Variants in PLXNA4 observed in about 807,000 individuals in gnomAD.
The protein encoded by PLXNA4 is plexin-A4.
Under a neutral mutation model 191.8 loss-of-function variants are expected in PLXNA4, and 44 were observed. The ratio of observed to expected loss-of-function variants is 0.23; its 90% confidence interval spans 0.18 to 0.29. The LOEUF (loss-of-function observed/expected upper bound fraction) is 0.29. Ranked by LOEUF, PLXNA4 falls within the 10% of genes least tolerant of loss-of-function variation. The probability of loss-of-function intolerance (pLI) is 1.00; values close to 1 mark genes in which losing one functional copy is unlikely to be tolerated. For missense variants in PLXNA4, 1,800 were observed against 2,488.8 expected (o/e 0.72, Z 5.89); for synonymous variants, 1,082 against 1,009.5 (o/e 1.07, Z -1.36).
intron 29 of PLXNA4, among the ~76,000 whole-genome samples, chr7:132,143,043 C>A (rs1387826268): frequency 6.6e-6 from 1 of 152,038 alleles, no homozygotes; most frequent in Non-Finnish European, 1.5e-5. Context: ...TTGATTGCAG[C>A]CACTCAGGCT....
intron 2 of PLXNA4, among the ~76,000 whole-genome samples, chr7:132,610,931 C>T (rs1006876413): frequency 1.3e-5 from 2 of 152,156 alleles, no homozygotes; most frequent in South Asian, 2.1e-4. Flanking sequence ...GGAGCAGTTC[C>T]TTGTCTGTCC....
At chr7:132,341,381 A>T (rs1803021379) in intron 3 of PLXNA4, among the ~76,000 whole-genome samples, 1 of 152,222 alleles carries the variant, frequency 6.6e-6, no homozygotes, top group South Asian at 2.1e-4. Flanking sequence ...ATGACAATAC[A>T]TTGATTGTAA....
In PLXNA4 at chr7:132,576,401, C is replaced by A. The variant is rs1205268904; in HGVS notation, c.-87+21G>T. On this transcript the variant is annotated intron_variant, in intron 1 of 31. Coordinates refer to ENST00000321063, the MANE Select transcript of PLXNA4 (RefSeq NM_020911.2). The surrounding 1 kb of genome is among the most constrained non-coding windows in gnomAD (Gnocchi z 5.8). ...CCTCGCCGCCCGCCCGGCCCCACTC[C>A]CCGGCGGGCCGGCTCCTTACCTGGA... 2 of 985,714 alleles carry A rather than the reference C, an allele frequency of 2.0e-6. No homozygotes were observed. The highest frequency in any genetic ancestry group is 3.5e-5 in the African/African-American group (2 of 57,202). The allele number at this position is 985,714 out of a possible 1,614,324, so 61.1% of individuals were successfully genotyped here.
intron 2 of PLXNA4, among the ~76,000 whole-genome samples, chr7:132,641,691 C>T (rs556138974): frequency 3.3e-5 from 5 of 152,086 alleles, no homozygotes; most frequent in African/African-American, 1.2e-4. Flanking sequence ...CCTGCTATTC[C>T]GTTTTCTTTC....
intron 3 of PLXNA4, chr7:132,484,666 C>T (rs1217508444): frequency 2.0e-5 from 26 of 1,309,618 alleles, no homozygotes; most frequent in Non-Finnish European, 2.6e-5. Flanking sequence ...AATACATATG[C>T]CCTCTGCCCT....
chr7:132,272,015 G>A (rs1352679438), intron 4 of PLXNA4, among the ~76,000 whole-genome samples: 2 of 152,156 alleles, frequency 1.3e-5, no homozygotes, highest in Non-Finnish European at 1.5e-5. Context: ...ATTGAAGGAA[G>A]GAGGGATCAG....
intron 2 of PLXNA4, among the ~76,000 whole-genome samples, chr7:132,644,242 G>A (rs2116894605): frequency 6.6e-6 from 1 of 152,296 alleles, no homozygotes; most frequent in South Asian, 2.1e-4. Context: ...GGAGACAGTA[G>A]CAACGCCCAC....
chr7:132,313,558 A>G (rs555438458), intron 3 of PLXNA4, among the ~76,000 whole-genome samples: 1 of 152,306 alleles, frequency 6.6e-6, no homozygotes, highest in South Asian at 2.1e-4. Context: ...TGGTGGGCCC[A>G]AGGAGCAAGT....
intron 25 of PLXNA4, among the ~76,000 whole-genome samples, chr7:132,156,598 G>A (rs934299500): frequency 2.6e-5 from 4 of 152,226 alleles, no homozygotes; most frequent in Non-Finnish European, 5.9e-5. Flanking sequence ...CAGCGGGTGC[G>A]GGGAGAAAGT....
At chr7:132,289,666 GGGACTACA>G (rs1800813243) in intron 4 of PLXNA4, among the ~76,000 whole-genome samples, 1 of 151,876 alleles carries the variant, frequency 6.6e-6, no homozygotes, top group Non-Finnish European at 1.5e-5. Flanking sequence ...CTGAGTAGCT[GGGACTACA>G]GGTGCACACC....
intron 4 of PLXNA4, among the ~76,000 whole-genome samples, chr7:132,252,298 A>ATT (rs1799276896): frequency 1.6e-5 from 2 of 123,838 alleles, no homozygotes; most frequent in African/African-American, 6.3e-5. Context: ...GCATTCTAAA[A>ATT]GTTTTTTTTT....
rs1028315448 is a variant in PLXNA4, at chr7:132,565,622, C to T, written c.-87+10800G>A. 9.2e-5 allele frequency among the ~76,000 whole-genome samples: 14 copies of T among 152,162 alleles called. 1 individual carries two copies. Among genetic ancestry groups the T allele is most frequent in the African/African-American group, 3.4e-4 (14 of 41,440 alleles). ...ACAAAGCACATGACATCCGCAGACCCAGATTCCCCTTCCGCATGATTCTTT... is the reference window on the plus strand; with the variant it reads ...ACAAAGCACATGACATCCGCAGACCTAGATTCCCCTTCCGCATGATTCTTT... On this transcript the variant is annotated intron_variant, in intron 1 of 31. Coordinates refer to ENST00000321063, the MANE Select transcript of PLXNA4 (RefSeq NM_020911.2).
At position 132,422,805 on chromosome 7, in the gene PLXNA4, G is replaced by C. The variant is rs1448543395; in HGVS notation, c.1371+66487C>G. Among the ~76,000 whole-genome samples the C allele has an allele frequency of 2.0e-5, 3 of 152,116 alleles. No homozygotes were observed. The East Asian group carries it at 5.8e-4, about 29-fold the overall frequency. On this transcript the variant is annotated intron_variant, in intron 3 of 31. Coordinates refer to ENST00000321063, the MANE Select transcript of PLXNA4 (RefSeq NM_020911.2). ...AATCCTCATAATATCCCTATAAAGGGGGTATTATTACCCCACTGGGCAGAG... is the reference window on the plus strand; with the variant it reads ...AATCCTCATAATATCCCTATAAAGGCGGTATTATTACCCCACTGGGCAGAG...
chr7:132,246,269 T>A (rs770038847), intron 4 of PLXNA4, among the ~76,000 whole-genome samples: 1 of 152,232 alleles, frequency 6.6e-6, no homozygotes, highest in Non-Finnish European at 1.5e-5. Context: ...TATTCTGATA[T>A]CTTTCAGTCA....
intron 3 of PLXNA4, among the ~76,000 whole-genome samples, chr7:132,451,881 C>G (rs1796135710): frequency 6.6e-6 from 1 of 152,240 alleles, no homozygotes; most frequent in African/African-American, 2.4e-5. Flanking sequence ...CTGGCCCTGA[C>G]AGCCAACGAT....
intron 2 of PLXNA4, among the ~76,000 whole-genome samples, chr7:132,613,929 G>T (rs1190055566): frequency 6.6e-6 from 1 of 152,184 alleles, no homozygotes; most frequent in Non-Finnish European, 1.5e-5. Context: ...GGCTTCAAAG[G>T]GCAACATTGG....
At chr7:132,212,017 T>C (rs1797818517) in intron 9 of PLXNA4, among the ~76,000 whole-genome samples, 1 of 152,108 alleles carries the variant, frequency 6.6e-6, no homozygotes, top group Non-Finnish European at 1.5e-5. Context: ...GGAGAGTCAG[T>C]ATTCTAGCTC....
chr7:132,501,812 C>T (rs1038037140), intron 2 of PLXNA4, among the ~76,000 whole-genome samples: 7 of 152,120 alleles, frequency 4.6e-5, no homozygotes, highest in African/African-American at 1.7e-4. Flanking sequence ...GGGTCATGGG[C>T]CATGAGAGGT....
chr7:132,204,432 G>A (rs756309409), intron 10 of PLXNA4, among the ~76,000 whole-genome samples: 1 of 152,246 alleles, frequency 6.6e-6, no homozygotes, highest in East Asian at 1.9e-4. Context: ...CAAGGGGCAG[G>A]ATGGAAGAAT....
Sources: allele counts gnomAD v4.1 joint callset (sites outside exome capture counted in the v4.1 genomes callset), GRCh38; gene constraint gnomAD v4.1.1; non-coding constraint Gnocchi (gnomAD v3.1); transcripts MANE v1.5; gene names NCBI Gene and HGNC (gene_info 2026-07-23, HGNC 2026-07-21).